Variants in DNAH2 observed in about 807,000 individuals in gnomAD.
DNAH2 encodes the protein axonemal beta dynein heavy chain 2.
Under a neutral mutation model 523.5 loss-of-function variants are expected in DNAH2, and 323 were observed. The observed-to-expected ratio is 0.62, with a 90% CI of 0.56 to 0.68. The LOEUF is 0.68. DNAH2 is among the 30% of genes least tolerant of loss of function. The probability of loss-of-function intolerance (pLI) is 0.00; values close to 1 mark genes in which losing one functional copy is unlikely to be tolerated. For missense variants in DNAH2, 4,907 were observed against 5,701.5 expected (o/e 0.86, Z 4.49); for synonymous variants, 2,093 against 2,177.4 (o/e 0.96, Z 1.08).
In DNAH2 at chr17:7,754,553, G is replaced by A; in HGVS notation, c.1905-2538G>A. 7.6e-7 allele frequency: 1 copy of A among 1,321,106 alleles called. No homozygotes were observed. The highest frequency in any genetic ancestry group is 1.1e-6 in the Non-Finnish European group (1 of 932,678). The allele number at this position is 1,321,106 out of a possible 1,614,324, so 81.8% of individuals were successfully genotyped here. A position where few individuals can be genotyped will look rare whatever the true frequency, so the allele number is the denominator to read the frequency against. ...AAGCACAAAAGAAGGGCCTAAAGAA[G>A]ATGCACACCAACAATGCCAAGGCCA... On this transcript the variant is annotated intron_variant, in intron 12 of 85. Coordinates refer to ENST00000572933, the MANE Select transcript of DNAH2 (RefSeq NM_020877.5). This position sits in a 1 kb window ranked among gnomAD's most constrained non-coding sequence, Gnocchi z 4.6.
intron 49 of DNAH2, among the ~76,000 whole-genome samples, chr17:7,794,903 C>T (rs548019747): frequency 2.6e-5 from 4 of 151,990 alleles, no homozygotes; most frequent in South Asian, 2.1e-4. Context: ...TACAGGCGCC[C>T]GCCACCACGC....
chr17:7,766,454 C>T lies in DNAH2; in HGVS notation c.3648C>T (p.Pro1216=), dbSNP rs2076170027. ...NLGIFKIEQP[P]SKDLQNLEKE... ...GCATCTTCAAGATCGAGCAGCCACC[C>T]TCCAAGGACCTTCAGAACCTGGAGA... The change falls in exon 22 of 86, where the codon CCC becomes CCT. Residue 1216 remains proline (P), a synonymous_variant. Coordinates refer to ENST00000572933, the MANE Select transcript of DNAH2 (RefSeq NM_020877.5). 1.2e-6 allele frequency: 2 copies of T among 1,613,882 alleles called. No individual in the cohort carries two copies. The highest frequency in any genetic ancestry group is 1.7e-6 in the Non-Finnish European group (2 of 1,179,928).
chr17:7,822,917 T>C (rs1458189818), intron 73 of DNAH2, among the ~76,000 whole-genome samples: 1 of 152,208 alleles, frequency 6.6e-6, no homozygotes, highest in Non-Finnish European at 1.5e-5. Flanking sequence ...AAATTTGAAC[T>C]GTGAGGGCTA....
chr17:7,749,329 A>ATC (rs1567636918), intron 12 of DNAH2, among the ~76,000 whole-genome samples: 8 of 142,334 alleles, frequency 5.6e-5, no homozygotes, highest in East Asian at 4.0e-4. Flanking sequence ...AAAAAAAAAA[A>ATC]AAAAAAAAAA....
chr17:7,741,297 CCT>C (rs2075329172), intron 11 of DNAH2, among the ~76,000 whole-genome samples: 2 of 61,326 alleles, frequency 3.3e-5, no homozygotes. Flanking sequence ...TTTCTTTCTT[CCT>C]TCCTTCCCTC....
At chr17:7,769,289 G>A (rs1044968170) in intron 24 of DNAH2, among the ~76,000 whole-genome samples, 1 of 152,076 alleles carries the variant, frequency 6.6e-6, no homozygotes, top group African/African-American at 2.4e-5. Context: ...AGCCTCCCAA[G>A]TAGCTGGGAT....
At position 7,828,073 on chromosome 17, in the gene DNAH2, C is replaced by A. The variant is rs2078070277; in HGVS notation, c.11854-2227C>A. ...CCTGCACCTCACAGGTGTGTGCCACCACTCTGGCTAATTTTTGTGTTTTTT... is the reference window on the plus strand; with the variant it reads ...CCTGCACCTCACAGGTGTGTGCCACAACTCTGGCTAATTTTTGTGTTTTTT... On this transcript the variant is annotated intron_variant, in intron 77 of 85. Transcript: ENST00000572933. This position sits in a 1 kb window ranked among gnomAD's most constrained non-coding sequence, Gnocchi z 4.1. Among the ~76,000 whole-genome samples, 1 of 151,926 alleles carries A rather than the reference C, an allele frequency of 6.6e-6. No individual in the cohort carries two copies. Among genetic ancestry groups the A allele is most frequent in the East Asian group, 1.9e-4 (1 of 5,174 alleles).
chr17:7,759,352 G>C, intron 15 of DNAH2, 70 bp from the exon 16 acceptor site: 1 of 1,539,132 alleles, frequency 6.5e-7, no homozygotes, highest in Non-Finnish European at 8.7e-7. Context: ...CCTGTTGGCT[G>C]GTTCTCACTT....
Position 7,740,430 on chromosome 17 carries a change from G to T in DNAH2, c.1387G>T (p.Gly463Ter). 1 of 1,614,158 alleles carries T rather than the reference G, an allele frequency of 6.2e-7. No homozygotes were observed. Among genetic ancestry groups the T allele is most frequent in the African/African-American group, 1.3e-5 (1 of 75,058 alleles). The change falls in exon 10 of 86, where the codon GGA (glycine) becomes TGA (stop). Residue 463 changes from glycine (G) to a stop codon, truncating the protein, a stop_gained. Transcript: ENST00000572933. LOFTEE classifies it high-confidence loss of function. The stretch of plus-strand genomic sequence containing the variant: ...TCTCCACCGGTGCAGGTTCCGTGCC[G>T]GAATCAAGGACCTGGAGGTGATGAC... ...WHEDYNKFRA[G>*]IKDLEVMTQN...
At position 7,738,040 on chromosome 17, in the gene DNAH2, C is replaced by A. The variant is rs1473447118; in HGVS notation, c.1170+782C>A. ...TCTTTGAGGGATATGTCTCTTCCAG[C>A]AAGGAGGACCTGCAAGGCTGCATTC... On this transcript the variant is annotated intron_variant, in intron 8 of 85. Coordinates refer to ENST00000572933, the MANE Select transcript of DNAH2 (RefSeq NM_020877.5). 3 of 703,302 alleles carry A rather than the reference C, an allele frequency of 4.3e-6. No individual in the cohort carries two copies. In the African/African-American group the frequency reaches 5.2e-5, roughly 12 times the overall value. The allele number at this position is 703,302 out of a possible 1,614,324, so 43.6% of individuals were successfully genotyped here. A position where few individuals can be genotyped will look rare whatever the true frequency, so the allele number is the denominator to read the frequency against.
chr17:7,747,710 T>G (rs941348639), intron 12 of DNAH2, among the ~76,000 whole-genome samples: 1 of 152,326 alleles, frequency 6.6e-6, no homozygotes, highest in African/African-American at 2.4e-5. Flanking sequence ...GAAACACGTC[T>G]TCCAGATAGA....
chr17:7,763,159 TATTTA>T (rs2151202633), intron 18 of DNAH2, among the ~76,000 whole-genome samples: 1 of 151,522 alleles, frequency 6.6e-6, no homozygotes, highest in South Asian at 2.1e-4. Context: ...TATATTTATT[TATTTA>T]TTTATTCTTT....
Position 7,817,719 on chromosome 17 carries a change from C to A in DNAH2, c.10169+10C>A. The A allele has an allele frequency of 6.2e-7, 1 of 1,614,174 alleles. No homozygotes were observed. The highest frequency in any genetic ancestry group is 8.5e-7 in the Non-Finnish European group (1 of 1,180,014). ...TCACCCGAGGCAACAGGTGAGGGTG[C>A]TGCTGGGCGTGGGGGCGGTACGGGA... On this transcript the variant is annotated intron_variant, in intron 66 of 85. Transcript: ENST00000572933.
Position 7,780,973 on chromosome 17 carries a change from A to C in DNAH2, c.6004-69A>C. 6.2e-7 allele frequency: 1 copy of C among 1,609,492 alleles called. No individual in the cohort carries two copies. ...TCCATTGTTCTTGGCACGTGCCCCG[A>C]AGCCCTTTGGAGGTGAAAGGCCTAG... On this transcript the variant is annotated intron_variant, in intron 38 of 85. Transcript: ENST00000572933. This position sits in a 1 kb window ranked among gnomAD's most constrained non-coding sequence, Gnocchi z 4.4.
rs11872058 is a variant in DNAH2, at chr17:7,831,482, C to A, written c.12552C>A (p.Pro4184=). ...TQKLLALDPS[P]LNVVLLQEIQ... ...AACTGCTAGCTCTCGACCCCTCCCC[C>A]CTCAATGTGGTCCTTCTGCAGGAGA... Residue 4184 remains proline, a synonymous_variant, in exon 81 of 86, where the codon CCC becomes CCA. Transcript: ENST00000572933. The surrounding 1 kb of genome is among the most constrained non-coding windows in gnomAD (Gnocchi z 4.2). 8.7e-6 allele frequency: 14 copies of A among 1,614,190 alleles called. No individual in the cohort carries two copies. The South Asian group carries it at 1.1e-4, about 13-fold the overall frequency.
intron 63 of DNAH2, among the ~76,000 whole-genome samples, chr17:7,814,128 C>A (rs960371002): frequency 6.8e-6 from 1 of 146,166 alleles, no homozygotes; most frequent in African/African-American, 2.5e-5. Flanking sequence ...TCCCCTTAAC[C>A]GGGTGCACTT....
chr17:7,789,933 A>G (rs1567701924), intron 44 of DNAH2, among the ~76,000 whole-genome samples: 1 of 152,126 alleles, frequency 6.6e-6, no homozygotes, highest in Non-Finnish European at 1.5e-5. Flanking sequence ...GGACGCACCA[A>G]GTGTATCACA....
chr17:7,818,722 T>C lies in DNAH2; in HGVS notation c.10616T>C (p.Ile3539Thr), dbSNP rs773994677. The C allele has an allele frequency of 1.2e-6, 2 of 1,613,898 alleles. No homozygotes were observed. Among genetic ancestry groups the C allele is most frequent in the African/African-American group, 2.7e-5 (2 of 74,862 alleles). The change falls in exon 70 of 86, where the codon ATC (isoleucine) becomes ACC (threonine). Residue 3539 changes from isoleucine (I) to threonine (T), a missense_variant. Physicochemically the swap from Ile to Thr is moderately conservative, Grantham distance 89. Coordinates refer to ENST00000572933, the MANE Select transcript of DNAH2 (RefSeq NM_020877.5). ...ELEEQKDSLVINIAAGKRKLK... is the reference protein window; with the variant it reads ...ELEEQKDSLVTNIAAGKRKLK... ...GAGGAGCAGAAGGACTCACTGGTCA[T>C]CAACATCGCGGCTGGTAAAAGGAAG...
intron 49 of DNAH2, among the ~76,000 whole-genome samples, chr17:7,796,039 T>G (rs145494427): frequency 0.017 from 2,302 of 134,750 alleles, 33 homozygotes; most frequent in Middle Eastern, 0.035. Context: ...TATTTCTGAG[T>G]TTAGGATTTT....
Sources: allele counts gnomAD v4.1 joint callset (sites outside exome capture counted in the v4.1 genomes callset), GRCh38; gene constraint gnomAD v4.1.1; non-coding constraint Gnocchi (gnomAD v3.1); transcripts MANE v1.5; gene names NCBI Gene and HGNC (gene_info 2026-07-23, HGNC 2026-07-21).